CDH2: variants seen among roughly 807,000 people sequenced by gnomAD.
CDH2 encodes cadherin-2.
In CDH2, 17 loss-of-function variants were observed where a neutral mutation model predicts 92.0. The ratio of observed to expected loss-of-function variants is 0.18; its 90% CI spans 0.13 to 0.28. CDH2 has a LOEUF of 0.28. CDH2 is among the 10% of genes least tolerant of loss of function. The pLI, the probability that CDH2 is intolerant of heterozygous loss-of-function variation, is 1.00. For synonymous variants in CDH2, 419 were observed against 415.9 expected (o/e 1.01, Z -0.09); for missense variants, 862 against 1,133.1 (o/e 0.76, Z 3.44).
At chr18:27,988,140 C>A (rs979867583) in intron 11 of CDH2, among the ~76,000 whole-genome samples, 18 of 151,980 alleles carry the variant, frequency 1.2e-4, no homozygotes, top group Admixed American at 6.6e-4. Context: ...CAGACAGAGG[C>A]AGAGAATTAT....
At chr18:28,054,522 A>G (rs888562666) in intron 2 of CDH2, among the ~76,000 whole-genome samples, 6 of 152,202 alleles carry the variant, frequency 3.9e-5, no homozygotes, top group Admixed American at 2.6e-4. Context: ...TTCCTTGCAC[A>G]CATTTTAAAC....
intron 6 of CDH2, among the ~76,000 whole-genome samples, chr18:27,941,115 A>C (rs189386354): frequency 1.1e-4 from 16 of 147,716 alleles, no homozygotes; most frequent in African/African-American, 3.8e-4. Context: ...GGCTCACTGC[A>C]AGCTCTGCCT....
intron 2 of CDH2, among the ~76,000 whole-genome samples, chr18:28,025,291 G>C (rs1340550258): frequency 6.6e-6 from 1 of 152,190 alleles, no homozygotes; most frequent in Non-Finnish European, 1.5e-5. Context: ...GCTGAGGCAG[G>C]AGGGTTGCCT....
At chr18:27,934,670 T>G (rs1598973672) in intron 6 of CDH2, among the ~76,000 whole-genome samples, 1 of 152,206 alleles carries the variant, frequency 6.6e-6, no homozygotes, top group East Asian at 1.9e-4. Context: ...CTGTGTTTTC[T>G]TTGGTCCTTG....
chr18:28,003,683 C>A (rs1002597292), intron 6 of CDH2, among the ~76,000 whole-genome samples: 1 of 152,200 alleles, frequency 6.6e-6, no homozygotes, highest in African/African-American at 2.4e-5. Flanking sequence ...TCATAAGGAA[C>A]CATTTCATGC....
At chr18:28,170,200 T>C (rs1241097598) in intron 1 of CDH2, among the ~76,000 whole-genome samples, 2 of 152,234 alleles carry the variant, frequency 1.3e-5, no homozygotes, top group African/African-American at 4.8e-5. Flanking sequence ...TGGATTGTCC[T>C]AGTGTTAGTT....
rs143838283 is a variant in CDH2 at position 28,159,701 on chromosome 18, G to A, written c.61-11917C>T. 2.5e-3 allele frequency among the ~76,000 whole-genome samples: 377 copies of A among 149,088 alleles called. 1 individual carries two copies. Among genetic ancestry groups the A allele is most frequent in the African/African-American group, 8.0e-3 (319 of 39,862 alleles). On this transcript the variant is annotated intron_variant, in intron 1 of 15. Coordinates refer to ENST00000269141, the MANE Select transcript of CDH2 (RefSeq NM_001792.5). ...AAAGGGAGTCTCACTCTGTCACCCA[G>A]GCTGGAGTGCAGTGGCGTAATCTCA...
intron 2 of CDH2, among the ~76,000 whole-genome samples, chr18:28,084,631 A>C (rs1050338127): frequency 6.6e-6 from 1 of 151,994 alleles, no homozygotes; most frequent in Non-Finnish European, 1.5e-5. Flanking sequence ...AAAGTACCAG[A>C]CTGCTCTTAC....
intron 2 of CDH2, among the ~76,000 whole-genome samples, chr18:28,066,082 C>A (rs565920418): frequency 6.6e-6 from 1 of 152,108 alleles, no homozygotes; most frequent in African/African-American, 2.4e-5. Context: ...CTACGACTTG[C>A]GTGTTCATTT....
chr18:28,136,606 A>T (rs1398117284), intron 2 of CDH2, among the ~76,000 whole-genome samples: 1 of 152,154 alleles, frequency 6.6e-6, no homozygotes, highest in East Asian at 1.9e-4. Flanking sequence ...GTTTTAGATG[A>T]TGGTAATGTC....
intron 5 of CDH2, among the ~76,000 whole-genome samples, chr18:28,006,421 A>G (rs192473113): frequency 6.6e-6 from 1 of 152,138 alleles, no homozygotes; most frequent in Non-Finnish European, 1.5e-5. Context: ...TAAGGTAATT[A>G]AAAATGTGAA....
chr18:28,144,707 A>G (rs923304344), intron 2 of CDH2, among the ~76,000 whole-genome samples: 3 of 152,100 alleles, frequency 2.0e-5, no homozygotes, highest in African/African-American at 7.2e-5. Flanking sequence ...AAATGGGACA[A>G]AGGCCTATAT....
chr18:28,086,889 G>T (rs2014941170), intron 2 of CDH2, among the ~76,000 whole-genome samples: 1 of 152,148 alleles, frequency 6.6e-6, no homozygotes, highest in African/African-American at 2.4e-5. Flanking sequence ...TAACCAGAGA[G>T]ATTGGGCTTT....
At chr18:28,165,774 T>G (rs966574494) in intron 1 of CDH2, among the ~76,000 whole-genome samples, 13 of 151,640 alleles carry the variant, frequency 8.6e-5, no homozygotes, top group Non-Finnish European at 1.6e-4. Context: ...TCACACTGCT[T>G]CTTCAGGCTA....
intron 1 of CDH2, among the ~76,000 whole-genome samples, chr18:28,149,987 G>A (rs902594541): frequency 1.3e-5 from 2 of 152,180 alleles, no homozygotes; most frequent in Non-Finnish European, 2.9e-5. Context: ...TACTTGACAC[G>A]TGTAAACATC....
At chr18:28,034,212 A>C (rs1019398714) in intron 2 of CDH2, among the ~76,000 whole-genome samples, 1 of 152,046 alleles carries the variant, frequency 6.6e-6, no homozygotes, top group African/African-American at 2.4e-5. Context: ...TCACTAGATG[A>C]CTACTCTGCT....
intron 6 of CDH2, among the ~76,000 whole-genome samples, chr18:27,944,064 T>C (rs534025276): frequency 2.0e-5 from 3 of 152,300 alleles, no homozygotes; most frequent in East Asian, 3.9e-4. Flanking sequence ...CCTCTGAATA[T>C]AAAAGCGATT....
intron 15 of CDH2, among the ~76,000 whole-genome samples, chr18:27,952,673 C>A (rs554065036): frequency 6.6e-6 from 1 of 152,076 alleles, no homozygotes. Flanking sequence ...CTGCTTGAGG[C>A]AGAGAAGAAA....
intron 2 of CDH2, among the ~76,000 whole-genome samples, chr18:28,031,394 T>A (rs558995262): frequency 2.0e-5 from 3 of 152,202 alleles, no homozygotes; most frequent in Admixed American, 6.5e-5. Flanking sequence ...GCATAAGTCA[T>A]AGATAGAAGA....
Sources: gnomAD v4.1 joint callset for allele counts (sites outside exome capture counted in the v4.1 genomes callset) on GRCh38, gnomAD v4.1.1 for gene constraint, MANE v1.5 for transcripts, NCBI Gene and HGNC (gene_info 2026-07-23, HGNC 2026-07-21) for gene names.